POT1: variants seen among roughly 807,000 people sequenced by gnomAD.
POT1 encodes protection of telomeres protein 1.
In POT1, 47 loss-of-function variants were observed where a neutral mutation model predicts 78.5. The ratio of observed to expected loss-of-function variants is 0.60; its 90% CI spans 0.47 to 0.76. POT1 has a LOEUF of 0.76. Ranked by LOEUF, POT1 falls within the 30% of genes least tolerant of loss-of-function variation. The pLI, the probability that POT1 is intolerant of heterozygous loss-of-function variation, is 0.00. For synonymous variants in POT1, 259 were observed against 260.7 expected, an observed-to-expected ratio of 0.99 and a Z score of 0.06; for missense variants, 646 against 749.9, an observed-to-expected ratio of 0.86 and a Z score of 1.62.
At chr7:124,881,862 A>G (rs1231667021) in intron 6 of POT1, among the ~76,000 whole-genome samples, 1 of 152,028 alleles carries the variant, frequency 6.6e-6, no homozygotes, top group African/African-American at 2.4e-5. Flanking sequence ...TTAAATAAAT[A>G]GTACACAGTA....
chr7:124,861,134 G>T (rs1795585959), intron 8 of POT1, among the ~76,000 whole-genome samples: 1 of 152,176 alleles, frequency 6.6e-6, no homozygotes, highest in African/African-American at 2.4e-5. Context: ...TAATGGGATT[G>T]CAGTGTTAAA....
intron 7 of POT1, among the ~76,000 whole-genome samples, chr7:124,867,175 C>T (rs1346373308): frequency 6.6e-6 from 1 of 152,180 alleles, no homozygotes; most frequent in African/African-American, 2.4e-5. Context: ...AATTAGTCTA[C>T]TTCTATTTCC....
chr7:124,906,254 G>A (rs1344462982), intron 3 of POT1, among the ~76,000 whole-genome samples: 3 of 152,064 alleles, frequency 2.0e-5, no homozygotes, highest in African/African-American at 7.2e-5. Flanking sequence ...GTCCAACAAT[G>A]ATAGACTGGA....
intron 9 of POT1, among the ~76,000 whole-genome samples, chr7:124,857,039 TTTG>T (rs897069193): frequency 1.1e-4 from 17 of 152,076 alleles, no homozygotes; most frequent in Admixed American, 6.6e-5. Flanking sequence ...ACTTACTTGG[TTTG>T]TTGTTGTTTT....
intron 2 of POT1, among the ~76,000 whole-genome samples, chr7:124,923,248 C>A (rs951674012): frequency 6.6e-6 from 1 of 151,548 alleles, no homozygotes; most frequent in Admixed American, 6.6e-5. Flanking sequence ...CAAGAGAAAT[C>A]TGAAAACCAA....
chr7:124,926,674 A>C (rs1323042273), intron 2 of POT1, among the ~76,000 whole-genome samples: 1 of 152,238 alleles, frequency 6.6e-6, no homozygotes, highest in Non-Finnish European at 1.5e-5. Context: ...AAGATATGCA[A>C]TCAACCAAAG....
At chr7:124,837,615 T>C (rs982360868) in intron 14 of POT1, among the ~76,000 whole-genome samples, 6 of 152,020 alleles carry the variant, frequency 3.9e-5, no homozygotes, top group Non-Finnish European at 7.4e-5. Context: ...GCTCAGATTG[T>C]TTCAATAGCT....
At chr7:124,847,079 A>G in intron 11 of POT1, 81 bp from the exon 12 acceptor site, 1 of 880,556 alleles carries the variant, frequency 1.1e-6, no homozygotes, top group South Asian at 1.5e-5. Flanking sequence ...TTGCTGAGAG[A>G]AACTGAAGAA....
At chr7:124,900,839 C>T in intron 3 of POT1, 1 of 394,072 alleles carries the variant, frequency 2.5e-6, no homozygotes, top group Non-Finnish European at 5.3e-6. Flanking sequence ...AACTGCACAC[C>T]AGGAGATTAT....
At chr7:124,845,066 T>C (rs1161766300) in intron 12 of POT1, among the ~76,000 whole-genome samples, 2 of 152,184 alleles carry the variant, frequency 1.3e-5, no homozygotes, top group African/African-American at 4.8e-5. Flanking sequence ...AATCCTCCAG[T>C]ATGTATTTCA....
At chr7:124,927,072 A>AT (rs1456528387) in intron 2 of POT1, among the ~76,000 whole-genome samples, 1 of 152,162 alleles carries the variant, frequency 6.6e-6, no homozygotes, top group Non-Finnish European at 1.5e-5. Flanking sequence ...TCCCACACCT[A>AT]TTTACAAAAT....
intron 15 of POT1, among the ~76,000 whole-genome samples, chr7:124,833,171 G>A (rs1332694428): frequency 6.6e-6 from 1 of 152,072 alleles, no homozygotes; most frequent in Admixed American, 6.5e-5. Flanking sequence ...ATTAGACACT[G>A]AGTATATCAG....
At chr7:124,846,791 C>T (rs574563842) in intron 12 of POT1, 151 bp downstream of exon 12, 47 of 525,438 alleles carry the variant, frequency 8.9e-5, no homozygotes, top group African/African-American at 5.8e-4. Flanking sequence ...CAACAAGACA[C>T]GGTAGAAGAA....
At chr7:124,922,972 A>G (rs1403309877) in intron 2 of POT1, among the ~76,000 whole-genome samples, 1 of 151,954 alleles carries the variant, frequency 6.6e-6, no homozygotes, top group Admixed American at 6.6e-5. Context: ...AATCAAAGCC[A>G]AAGTATCTTA....
chr7:124,859,680 TACCC>T (rs1795537027), intron 8 of POT1, among the ~76,000 whole-genome samples: 1 of 151,108 alleles, frequency 6.6e-6, no homozygotes, highest in African/African-American at 2.4e-5. Context: ...ACATACAAAT[TACCC>T]ACCAGCTCTG....
At chr7:124,824,246 T>C (rs907742747) in intron 18 of POT1, among the ~76,000 whole-genome samples, 172 bp from the exon 19 acceptor site, 2 of 151,880 alleles carry the variant, frequency 1.3e-5, no homozygotes, top group Non-Finnish European at 2.9e-5. Flanking sequence ...AAATACATAC[T>C]AGATTCATGT....
At chr7:124,826,868 C>CT (rs1554415711) in intron 17 of POT1, among the ~76,000 whole-genome samples, 1 of 112,178 alleles carries the variant, frequency 8.9e-6, no homozygotes, top group Non-Finnish European at 1.9e-5. Flanking sequence ...GACTCCATCT[C>CT]AAAAAACAAA....
rs76665136 is a variant in POT1, at chr7:124,922,575, T to C, written c.-227+6240A>G. Among the ~76,000 whole-genome samples the C allele has an allele frequency of 3.4e-3, 521 of 152,018 alleles. 5 individuals carry two copies. The highest frequency in any genetic ancestry group is 0.012 in the African/African-American group (502 of 41,534). ...AACTGTAACATGGGGAGTGGTACAA[T>C]AGTAGCTGTAAGTATACCTTAGTAA... On this transcript the variant is annotated intron_variant, in intron 2 of 18. Transcript: ENST00000357628.
At chr7:124,924,155 C>CG (rs1431732928) in intron 2 of POT1, among the ~76,000 whole-genome samples, 12 of 78,758 alleles carry the variant, frequency 1.5e-4, no homozygotes, top group Admixed American at 1.2e-3. Context: ...GAACAAAAAT[C>CG]CAAAAAAAAA....
Sources: gnomAD v4.1 joint callset for allele counts (sites outside exome capture counted in the v4.1 genomes callset) on GRCh38, gnomAD v4.1.1 for gene constraint, MANE v1.5 for transcripts, NCBI Gene and HGNC (gene_info 2026-07-23, HGNC 2026-07-21) for gene names.